CD38: variants seen among roughly 807,000 people sequenced by gnomAD.
The protein encoded by CD38 is ADP-ribosyl cyclase/cyclic ADP-ribose hydrolase 1.
CD38 carries 31 observed loss-of-function variants against 36.3 expected under a neutral mutation model. The observed-to-expected ratio is 0.85, with a 90% CI of 0.64 to 1.15. CD38 has a LOEUF of 1.15. Among genes scored for constraint, CD38 ranks in the 50% most tolerant of loss-of-function variants. The probability of loss-of-function intolerance (pLI) is 0.00; values close to 1 mark genes in which losing one functional copy is unlikely to be tolerated. For missense variants in CD38, 380 were observed against 371.9 expected, an observed-to-expected ratio of 1.02 and a Z score of -0.18; for synonymous variants, 131 against 135.2, an observed-to-expected ratio of 0.97 and a Z score of 0.22.
At chr4:15,840,937 C>T (rs1228610037) in intron 7 of CD38, among the ~76,000 whole-genome samples, 1 of 152,058 alleles carries the variant, frequency 6.6e-6, no homozygotes, top group Non-Finnish European at 1.5e-5. Context: ...TGTGACTTGA[C>T]ATCATTTTGC....
chr4:15,820,865 T>G (rs370355497), intron 2 of CD38, among the ~76,000 whole-genome samples: 1 of 152,188 alleles, frequency 6.6e-6, no homozygotes, highest in South Asian at 2.1e-4. Flanking sequence ...GAAGTCTCCA[T>G]GCCAAAGCAA....
At chr4:15,782,525 A>C (rs1340347670) in intron 1 of CD38, among the ~76,000 whole-genome samples, 1 of 152,220 alleles carries the variant, frequency 6.6e-6, no homozygotes, top group Non-Finnish European at 1.5e-5. Context: ...ATATATCTTG[A>C]GGACCTAGAA....
At chr4:15,834,542 A>C (rs2148927005) in intron 4 of CD38, among the ~76,000 whole-genome samples, 1 of 152,272 alleles carries the variant, frequency 6.6e-6, no homozygotes, top group East Asian at 1.9e-4. Context: ...ACCCACTCTG[A>C]CTTTGGCTAC....
At chr4:15,809,127 G>T (rs116296272) in intron 1 of CD38, among the ~76,000 whole-genome samples, 1 of 152,232 alleles carries the variant, frequency 6.6e-6, no homozygotes, top group Non-Finnish European at 1.5e-5. Context: ...AGATGGCTGC[G>T]TGAAGAAAGC....
chr4:15,812,776 C>T (rs1002888692), intron 1 of CD38, among the ~76,000 whole-genome samples: 7 of 152,142 alleles, frequency 4.6e-5, no homozygotes, highest in Non-Finnish European at 8.8e-5. Flanking sequence ...TTCAGGTCTT[C>T]TTTACTTTGT....
At chr4:15,783,730 C>A (rs979222016) in intron 1 of CD38, among the ~76,000 whole-genome samples, 1 of 152,144 alleles carries the variant, frequency 6.6e-6, no homozygotes, top group Non-Finnish European at 1.5e-5. Flanking sequence ...CCACAAGGAC[C>A]ATCTTTTCTG....
chr4:15,786,659 C>T (rs1464376913), intron 1 of CD38, among the ~76,000 whole-genome samples: 1 of 152,244 alleles, frequency 6.6e-6, no homozygotes, highest in Non-Finnish European at 1.5e-5. Context: ...CTCAGAAGCC[C>T]AGCTGGCTTC....
chr4:15,784,266 G>A (rs966399893), intron 1 of CD38, among the ~76,000 whole-genome samples: 3 of 152,184 alleles, frequency 2.0e-5, no homozygotes, highest in East Asian at 1.9e-4. Flanking sequence ...AGATGCAGAC[G>A]TGCCCCATGT....
intron 3 of CD38, among the ~76,000 whole-genome samples, chr4:15,832,607 T>C (rs78882967): frequency 6.6e-6 from 1 of 152,148 alleles, no homozygotes; most frequent in African/African-American, 2.4e-5. Context: ...TCCCAGAGTC[T>C]CTCTCTTTCT....
intron 1 of CD38, among the ~76,000 whole-genome samples, chr4:15,795,782 A>G (rs1723093293): frequency 6.6e-6 from 1 of 152,180 alleles, no homozygotes; most frequent in African/African-American, 2.4e-5. Context: ...TGCTGCATCC[A>G]CATAGTAGAC....
In CD38 at chr4:15,834,165, T is replaced by C. The variant is rs1012711667; in HGVS notation, c.500-52T>C. ...CTGAACAGCCAGGGAAGAGTACAGC[T>C]TATTTATACTCTCTGTTTTCCACTT... On this transcript the variant is annotated intron_variant, in intron 3 of 7. Coordinates refer to ENST00000226279, the MANE Select transcript of CD38 (RefSeq NM_001775.4). The C allele has an allele frequency of 5.9e-6, 7 of 1,190,026 alleles. No individual in the cohort carries two copies. In the African/African-American group the frequency reaches 1.1e-4, roughly 18 times the overall value. The allele number at this position is 1,190,026 out of a possible 1,614,324, so 73.7% of individuals were successfully genotyped here.
intron 7 of CD38, among the ~76,000 whole-genome samples, chr4:15,841,600 C>T (rs940519454): frequency 2.0e-5 from 3 of 148,844 alleles, no homozygotes; most frequent in Admixed American, 6.6e-5. Context: ...CAGCTCCCAG[C>T]GTGAGCGACG....
At chr4:15,833,951 G>A (rs1724010962) in intron 3 of CD38, among the ~76,000 whole-genome samples, 1 of 152,232 alleles carries the variant, frequency 6.6e-6, no homozygotes, top group Non-Finnish European at 1.5e-5. Flanking sequence ...GTCTCTGTCA[G>A]ATGAACTTTT....
At chr4:15,817,253 G>A (rs532915355) in intron 2 of CD38, among the ~76,000 whole-genome samples, 2 of 152,314 alleles carry the variant, frequency 1.3e-5, no homozygotes, top group East Asian at 3.9e-4. Flanking sequence ...GAGCCACAGA[G>A]GCCTGGATTC....
chr4:15,819,269 A>T lies in CD38; in HGVS notation c.363+2629A>T, dbSNP rs544701843. The stretch of plus-strand genomic sequence containing the variant: ...GATGGGTGCAGCAAACCACCATGGC[A>T]TGTGTATACCTATGTAACAAAACTG... On this transcript the variant is annotated intron_variant, in intron 2 of 7. Transcript: ENST00000226279. 1.4e-4 allele frequency among the ~76,000 whole-genome samples: 22 copies of T among 152,154 alleles called. No individual in the cohort carries two copies. The South Asian group carries it at 3.9e-3, about 27-fold the overall frequency.
At chr4:15,814,805 GTTTTTTGT>G (rs1393465045) in intron 1 of CD38, among the ~76,000 whole-genome samples, 3,749 of 147,638 alleles carry the variant, frequency 0.025, 161 homozygotes, top group African/African-American at 0.089. Context: ...TTTGTTTTTT[GTTTTTTGT>G]TTTTTTTTTT....
intron 1 of CD38, among the ~76,000 whole-genome samples, chr4:15,810,681 C>T (rs1723448994): frequency 1.3e-5 from 2 of 152,094 alleles, no homozygotes; most frequent in Admixed American, 1.3e-4. Context: ...CCTGGCATAG[C>T]TTTCAAAGGC....
Position 15,789,957 on chromosome 4 carries a change from A to T in CD38, c.233+11310A>T, listed in dbSNP as rs533885170. Among the ~76,000 whole-genome samples, 17 of 152,352 alleles carry T rather than the reference A, an allele frequency of 1.1e-4. 1 individual carries two copies. The South Asian group carries it at 3.3e-3, about 30-fold the overall frequency. On this transcript the variant is annotated intron_variant, in intron 1 of 7. Coordinates refer to ENST00000226279, the MANE Select transcript of CD38 (RefSeq NM_001775.4). ...TCAGGTATTCTGCTATAAGCAACAG[A>T]AAATGACTAAAACAGGAGGCTTTAC... is the stretch of plus-strand genomic sequence containing the variant.
rs1378444656 is a variant in CD38, at chr4:15,811,042, ATG to A, written c.234-5463_234-5462del. Among the ~76,000 whole-genome samples, 3 of 152,142 alleles carry A rather than the reference ATG, an allele frequency of 2.0e-5. No homozygotes were observed. The East Asian group carries it at 5.8e-4, about 29-fold the overall frequency. The stretch of plus-strand genomic sequence containing the variant: ...GTGACTAATGATGTTGAGCATTTTT[ATG>A]TGTGTTTATTAGCCATTTTTATATC... On this transcript the variant is annotated intron_variant, in intron 1 of 7. Transcript: ENST00000226279.
Sources: allele counts gnomAD v4.1 joint callset (sites outside exome capture counted in the v4.1 genomes callset), GRCh38; gene constraint gnomAD v4.1.1; transcripts MANE v1.5; gene names NCBI Gene and HGNC (gene_info 2026-07-23, HGNC 2026-07-21).